The following MALRD1 variants were observed in gnomAD, a reference collection of about 807,000 sequenced individuals.
The protein encoded by MALRD1 is MAM and LDL receptor class A domain containing 1.
A neutral mutation model predicts 242.1 loss-of-function variants in MALRD1; 247 were observed. The ratio of observed to expected loss-of-function variants is 1.02; its 90% CI spans 0.92 to 1.13. The LOEUF is 1.13. Ranked by LOEUF, MALRD1 falls within the 50% of genes most tolerant of loss-of-function variation. The pLI is 0.00. For synonymous variants in MALRD1, 995 were observed against 866.6 expected (o/e 1.15, Z -2.60); for missense variants, 2,989 against 2,533.1 (o/e 1.18, Z -3.86).
rs552491808 is a variant in MALRD1, at chr10:19,231,093, A to C, written c.2991+21413A>C. Among the ~76,000 whole-genome samples, 10 of 152,270 alleles carry C rather than the reference A, an allele frequency of 6.6e-5. No homozygotes were observed. In the South Asian group the frequency reaches 2.1e-3, roughly 32 times the overall value. ...TCTAGAATTTATTCTCAGGAGATCT[A>C]ATTAATAACTTGTCAAGCTGATGTC... On this transcript the variant is annotated intron_variant, in intron 18 of 39. Transcript: ENST00000454679.
intron 19 of MALRD1, 40 bp downstream of exon 19, chr10:19,257,811 T>C: frequency 7.6e-7 from 1 of 1,308,762 alleles, no homozygotes; most frequent in Non-Finnish European, 1.0e-6. Flanking sequence ...TTTCTAAATC[T>C]GTTTACTTGG....
chr10:19,277,276 A>G (rs1381743480), intron 19 of MALRD1, among the ~76,000 whole-genome samples: 1 of 152,208 alleles, frequency 6.6e-6, no homozygotes, highest in Non-Finnish European at 1.5e-5. Flanking sequence ...TATTTTATAT[A>G]TCTGATCTTG....
intron 18 of MALRD1, among the ~76,000 whole-genome samples, chr10:19,250,659 C>T (rs982060149): frequency 6.6e-5 from 10 of 151,788 alleles, no homozygotes; most frequent in Non-Finnish European, 1.0e-4. Flanking sequence ...GAAAATGGAA[C>T]TGAAATGAAC....
chr10:19,407,890 T>G (rs1406856725), intron 28 of MALRD1, among the ~76,000 whole-genome samples: 1 of 152,180 alleles, frequency 6.6e-6, no homozygotes, highest in Non-Finnish European at 1.5e-5. Context: ...CCAAGAGGTA[T>G]AAGCAAAAAT....
intron 5 of MALRD1, among the ~76,000 whole-genome samples, chr10:19,119,043 G>C (rs879937024): frequency 1.3e-5 from 2 of 152,176 alleles, no homozygotes; most frequent in Non-Finnish European, 2.9e-5. Context: ...CTGAGCCAGA[G>C]TTGGTAGTAG....
chr10:19,318,000 T>C (rs150458131), intron 21 of MALRD1, among the ~76,000 whole-genome samples: 1 of 152,156 alleles, frequency 6.6e-6, no homozygotes, highest in East Asian at 1.9e-4. Flanking sequence ...TATGCTTCTA[T>C]AAAATGTCCT....
At chr10:19,388,836 G>A (rs550077004) in intron 27 of MALRD1, among the ~76,000 whole-genome samples, 23 of 134,142 alleles carry the variant, frequency 1.7e-4, no homozygotes, top group Non-Finnish European at 2.6e-4. Context: ...TGGATGCTAC[G>A]TCATAGGCAA....
At chr10:19,345,829 G>A (rs1564580622) in intron 24 of MALRD1, among the ~76,000 whole-genome samples, 1 of 151,124 alleles carries the variant, frequency 6.6e-6, no homozygotes, top group Non-Finnish European at 1.5e-5. Flanking sequence ...TATTGTACAA[G>A]TTTCTTGCTC....
rs10695324 is a variant in MALRD1 at position 19,526,365 on chromosome 10, A to ATACATATATATAT, written c.5321-4829_5321-4828insTACATATATATAT. The stretch of plus-strand genomic sequence containing the variant: ...CATCTTTATGATTCTCCAAAAAAAA[A>ATACATATATATAT]ATACATATATATATATATATGTCAT... On this transcript the variant is annotated intron_variant, in intron 31 of 39. Coordinates refer to ENST00000454679, the MANE Select transcript of MALRD1 (RefSeq NM_001142308.3). Among the ~76,000 whole-genome samples the ATACATATATATAT allele has an allele frequency of 7.0e-4, 105 of 149,006 alleles. No individual in the cohort carries two copies. The East Asian group carries it at 0.015, about 21-fold the overall frequency.
chr10:19,428,616 C>G (rs145922153), intron 28 of MALRD1, among the ~76,000 whole-genome samples: 2 of 152,002 alleles, frequency 1.3e-5, no homozygotes, highest in East Asian at 3.9e-4. Context: ...TGATCACAAC[C>G]TTATGGTTTA....
intron 34 of MALRD1, among the ~76,000 whole-genome samples, chr10:19,602,985 A>G (rs1589294203): frequency 6.6e-6 from 1 of 152,302 alleles, no homozygotes; most frequent in African/African-American, 2.4e-5. Flanking sequence ...TTGGCTGCAT[A>G]AATGCCTTCT....
intron 32 of MALRD1, among the ~76,000 whole-genome samples, chr10:19,561,100 A>T (rs1018616761): frequency 4.7e-4 from 71 of 152,184 alleles, no homozygotes; most frequent in African/African-American, 1.7e-3. Context: ...TAATAAAAAG[A>T]AAATTGTGTA....
At chr10:19,264,441 T>C (rs559821485) in intron 19 of MALRD1, among the ~76,000 whole-genome samples, 111 of 150,616 alleles carry the variant, frequency 7.4e-4, no homozygotes, top group Non-Finnish European at 1.2e-3. Context: ...AATTTTTTTT[T>C]CCTTTTTTCT....
rs539193007 is a variant in MALRD1, at chr10:19,500,280, TA to T, written c.5320+1639del. On this transcript the variant is annotated intron_variant, in intron 31 of 39. Coordinates refer to ENST00000454679, the MANE Select transcript of MALRD1 (RefSeq NM_001142308.3). ...CCCTTTCACAAGCTTTTGTTTCCCT[TA>T]AAAACATGAAGTTAGTGTATACTAT... 6.2e-4 allele frequency among the ~76,000 whole-genome samples: 95 copies of T among 152,266 alleles called. 1 individual carries two copies. The highest frequency in any genetic ancestry group is 2.2e-3 in the African/African-American group (90 of 41,554).
At chr10:19,184,852 T>C (rs1242401944) in intron 14 of MALRD1, among the ~76,000 whole-genome samples, 2 of 152,190 alleles carry the variant, frequency 1.3e-5, no homozygotes, top group African/African-American at 4.8e-5. Flanking sequence ...CTGGCCTAAA[T>C]TGTCATTTAA....
At chr10:19,571,446 C>G (rs1184061096) in intron 33 of MALRD1, among the ~76,000 whole-genome samples, 1 of 151,930 alleles carries the variant, frequency 6.6e-6, no homozygotes, top group East Asian at 1.9e-4. Flanking sequence ...AGTGTTAGTA[C>G]TTAGCAAGGA....
chr10:19,708,102 A>G (rs1319349879), intron 38 of MALRD1, among the ~76,000 whole-genome samples: 12 of 121,030 alleles, frequency 9.9e-5, no homozygotes, highest in African/African-American at 3.1e-4. Context: ...TATTATACTT[A>G]GGTGACTGCA....
chr10:19,134,279 T>G (rs1052509617), intron 9 of MALRD1, among the ~76,000 whole-genome samples: 4 of 152,216 alleles, frequency 2.6e-5, no homozygotes, highest in Admixed American at 2.6e-4. Flanking sequence ...GTATTGAAAC[T>G]TAGTAGAGTA....
rs538220027 is a variant in MALRD1 at position 19,589,309 on chromosome 10, A to T, written c.5681-5885A>T. On this transcript the variant is annotated intron_variant, in intron 33 of 39. Transcript: ENST00000454679. ...TATGTCTATATATATATATAGCTGT[A>T]TATATAGCTGTGACTCCACACCCTT... 2.0e-5 allele frequency among the ~76,000 whole-genome samples: 3 copies of T among 152,286 alleles called. No homozygotes were observed. In the East Asian group the frequency reaches 5.8e-4, roughly 29 times the overall value.
Sources: gnomAD v4.1 joint callset for allele counts (sites outside exome capture counted in the v4.1 genomes callset) on GRCh38, gnomAD v4.1.1 for gene constraint, MANE v1.5 for transcripts, NCBI Gene and HGNC (gene_info 2026-07-23, HGNC 2026-07-21) for gene names.